Variants in SCHIP1 observed in about 807,000 individuals in gnomAD.
SCHIP1 encodes the protein schwannomin-interacting protein 1.
SCHIP1 carries 8 observed loss-of-function variants against 29.7 expected under a neutral mutation model. That is an observed-to-expected ratio of 0.27 (90% CI 0.16 to 0.49). SCHIP1 has a LOEUF of 0.49. SCHIP1 is among the 20% of genes least tolerant of loss of function. The pLI, the probability that SCHIP1 is intolerant of heterozygous loss-of-function variation, is 0.99. For missense variants in SCHIP1, 193 were observed against 294.6 expected (o/e 0.66, Z 2.52); for synonymous variants, 76 against 94.9 (o/e 0.80, Z 1.16).
At chr3:159,333,740 A>G in the SCHIP1 span, among the ~76,000 whole-genome samples, 1 of 152,214 alleles carries the variant, frequency 6.6e-6, no homozygotes, top group Non-Finnish European at 1.5e-5. Flanking sequence ...GATATCAACA[A>G]AATATCATAG....
chr3:159,368,404 G>T, the SCHIP1 span, among the ~76,000 whole-genome samples: 9 of 152,084 alleles, frequency 5.9e-5, no homozygotes, highest in Admixed American at 1.3e-4. Flanking sequence ...CTAACTTTTA[G>T]TTACCATCCC....
chr3:159,356,586 C>T, the SCHIP1 span, among the ~76,000 whole-genome samples: 4 of 152,176 alleles, frequency 2.6e-5, no homozygotes, highest in Admixed American at 1.3e-4. Flanking sequence ...TGAGAACATC[C>T]TGAGCTTAAC....
chr3:159,778,213 TCTATCTC>T, the SCHIP1 span, among the ~76,000 whole-genome samples: 31,532 of 151,948 alleles, frequency 0.21, 3,308 homozygotes, highest in African/African-American at 0.24. Context: ...CAGGATGGTC[TCTATCTC>T]CTGACCTCAT....
At chr3:159,886,257 G>A in exon 3 of SCHIP1, 2 of 1,614,204 alleles carry the variant, frequency 1.2e-6, no homozygotes, top group Non-Finnish European at 1.7e-6. Context: ...GACAGTGGCA[G>A]TGATAAGGAC....
At chr3:159,842,079 G>A (rs3888010) in intron 1 of SCHIP1, among the ~76,000 whole-genome samples, 33,674 of 151,976 alleles carry the variant, frequency 0.22, 5,008 homozygotes, top group African/African-American at 0.43. Context: ...TTAGCTTGAT[G>A]TTTGTAGTCA....
the SCHIP1 span, among the ~76,000 whole-genome samples, chr3:159,812,297 ACTT>A: frequency 6.6e-6 from 1 of 152,060 alleles, no homozygotes. Context: ...TAAGTCTTGC[ACTT>A]CTTTTGTTCC....
chr3:159,439,662 G>A, the SCHIP1 span, among the ~76,000 whole-genome samples: 1 of 152,078 alleles, frequency 6.6e-6, no homozygotes, highest in Non-Finnish European at 1.5e-5. Context: ...TCATATATTT[G>A]TTGGCCACAT....
intron 1 of SCHIP1, among the ~76,000 whole-genome samples, chr3:159,846,520 G>A (rs1169455875): frequency 2.0e-5 from 3 of 152,162 alleles, no homozygotes; most frequent in African/African-American, 7.2e-5. Context: ...TCCTGTGATT[G>A]AGAAAACAAA....
chr3:159,541,860 A>C, the SCHIP1 span, among the ~76,000 whole-genome samples: 1 of 152,088 alleles, frequency 6.6e-6, no homozygotes, highest in Admixed American at 6.6e-5. Flanking sequence ...CCCAGGGAGA[A>C]AAAATCAGAA....
the SCHIP1 span, among the ~76,000 whole-genome samples, chr3:159,798,274 C>A: frequency 6.6e-6 from 1 of 152,152 alleles, no homozygotes; most frequent in Non-Finnish European, 1.5e-5. Context: ...GCCATGTGAC[C>A]TTGAGCAAAT....
At chr3:159,590,282 C>G in the SCHIP1 span, among the ~76,000 whole-genome samples, 1 of 152,116 alleles carries the variant, frequency 6.6e-6, no homozygotes, top group Non-Finnish European at 1.5e-5. Flanking sequence ...ATTAAAGAAC[C>G]AAACCAGTAG....
chr3:159,822,101 G>A, the SCHIP1 span, among the ~76,000 whole-genome samples: 1 of 152,114 alleles, frequency 6.6e-6, no homozygotes, highest in African/African-American at 2.4e-5. Flanking sequence ...GTTGACTGTG[G>A]GTAACTGAAA....
the SCHIP1 span, among the ~76,000 whole-genome samples, chr3:159,394,794 T>C: frequency 6.6e-6 from 1 of 152,162 alleles, no homozygotes; most frequent in African/African-American, 2.4e-5. Flanking sequence ...GTTGTGTCTC[T>C]GCCCGGCTTT....
chr3:159,497,938 A>G, the SCHIP1 span, among the ~76,000 whole-genome samples: 2 of 152,194 alleles, frequency 1.3e-5, no homozygotes, highest in African/African-American at 4.8e-5. Flanking sequence ...TGCTCATTTT[A>G]CATCTGTATA....
At chr3:159,790,029 G>A in the SCHIP1 span, among the ~76,000 whole-genome samples, 2 of 152,222 alleles carry the variant, frequency 1.3e-5, no homozygotes, top group South Asian at 4.2e-4. Context: ...CCGCCAGAAG[G>A]GTCATATTCT....
At chr3:159,527,761 G>A in the SCHIP1 span, among the ~76,000 whole-genome samples, 3 of 152,152 alleles carry the variant, frequency 2.0e-5, no homozygotes, top group African/African-American at 7.2e-5. Context: ...AATTAAGTGG[G>A]TTTTAATTGA....
At chr3:159,511,312 T>C in the SCHIP1 span, among the ~76,000 whole-genome samples, 1 of 152,238 alleles carries the variant, frequency 6.6e-6, no homozygotes. Flanking sequence ...CTAAGACCAT[T>C]GGAAAAGCAC....
chr3:159,382,136 T>C, the SCHIP1 span, among the ~76,000 whole-genome samples: 2 of 152,072 alleles, frequency 1.3e-5, no homozygotes, highest in South Asian at 4.2e-4. Context: ...ACTTTAAGTT[T>C]TAGGGTACAT....
the SCHIP1 span, among the ~76,000 whole-genome samples, chr3:159,403,585 A>C: frequency 2.0e-5 from 3 of 152,196 alleles, no homozygotes; most frequent in Admixed American, 6.5e-5. Flanking sequence ...GTGCCCACAG[A>C]GGGAACATTT....
Sources: allele counts gnomAD v4.1 joint callset (sites outside exome capture counted in the v4.1 genomes callset), GRCh38; gene constraint gnomAD v4.1.1; transcripts MANE v1.5; gene names NCBI Gene and HGNC (gene_info 2026-07-23, HGNC 2026-07-21).